Variants in UTP3 observed in about 807,000 individuals in gnomAD.
UTP3 encodes the protein UTP3 small subunit processome component.
In UTP3, 19 loss-of-function variants were observed where a neutral mutation model predicts 37.9. The observed-to-expected ratio is 0.50, with a 90% CI of 0.35 to 0.74. The LOEUF is 0.74. Among genes scored for constraint, UTP3 ranks in the 30% least tolerant of loss-of-function variants. The pLI is 0.01. For synonymous variants in UTP3, 242 were observed against 218.5 expected (o/e 1.11, Z -0.95); for missense variants, 504 against 570.7 (o/e 0.88, Z 1.19).
In UTP3 at chr4:70,689,386, T is replaced by G; in HGVS notation, c.709T>G (p.Leu237Val). The G allele has an allele frequency of 6.2e-7, 1 of 1,614,158 alleles. No homozygotes were observed. The highest frequency in any genetic ancestry group is 8.5e-7 in the Non-Finnish European group (1 of 1,180,028). ...LELIEDLKVK[L>V]TEVKDELEPL... is the part of the protein sequence containing the mutation. ...GCTGATAGAAGACCTGAAAGTCAAG[T>G]TGACAGAGGTTAAGGATGAGCTGGA... The change falls in exon 1 of 1, where the codon TTG becomes GTG. Residue 237 changes from leucine (L) to valine (V), a missense_variant. Transcript: ENST00000254803.
chr4:70,689,328 A>G lies in UTP3; in HGVS notation c.651A>G (p.Lys217=), dbSNP rs1198198384. 6.2e-7 allele frequency: 1 copy of G among 1,614,054 alleles called. No individual in the cohort carries two copies. The highest frequency in any genetic ancestry group is 8.5e-7 in the Non-Finnish European group (1 of 1,180,040). ...LAKVSVKEKL[K]MLRKESPELL... Reference sequence around the variant, plus strand: ...AAGTTTCAGTGAAAGAGAAGCTGAAAATGTTGCGAAAGGAATCACCAGAAC... The same window carrying G: ...AAGTTTCAGTGAAAGAGAAGCTGAAGATGTTGCGAAAGGAATCACCAGAAC... Residue 217 remains lysine, a synonymous_variant, in exon 1 of 1, where the codon AAA becomes AAG. Coordinates refer to ENST00000254803, the MANE Select transcript of UTP3 (RefSeq NM_020368.3).
rs1739555663 is a variant in UTP3 at position 70,688,603 on chromosome 4, G to A, written c.-75G>A. On this transcript the variant is annotated 5_prime_UTR_variant, in exon 1 of 1. Coordinates refer to ENST00000254803, the MANE Select transcript of UTP3 (RefSeq NM_020368.3). The stretch of plus-strand genomic sequence containing the variant: ...TGCTGTTTAGAGCCACGAGTTACCG[G>A]AGCGCCTGATTCCTGCGCCGAAGTC... 3 of 1,458,998 alleles carry A rather than the reference G, an allele frequency of 2.1e-6. No homozygotes were observed. The African/African-American group carries it at 4.2e-5, about 20-fold the overall frequency. 90.4% of individuals were successfully genotyped at this position (1,458,998 alleles called of 1,614,324 possible).
At position 70,689,145 on chromosome 4, in the gene UTP3, G is replaced by A; in HGVS notation, c.468G>A (p.Glu156=). The change falls in exon 1 of 1, where the codon GAG becomes GAA. Residue 156 remains glutamate, a synonymous_variant. Transcript: ENST00000254803. ...GGCAGAGTCAACAGGAGGCAGAGGA[G>A]GAGGAAAGAGAGGAGGAGGAGGAGG... ...RGRQSQQEAE[E]EEREEEEEAQ... The A allele has an allele frequency of 6.2e-7, 1 of 1,613,948 alleles. No individual in the cohort carries two copies. Among genetic ancestry groups the A allele is most frequent in the Non-Finnish European group, 8.5e-7 (1 of 1,179,954 alleles).
Position 70,689,354 on chromosome 4 carries a change from T to G in UTP3, c.677T>G (p.Leu226Arg), listed in dbSNP as rs754890602. 1 of 1,613,958 alleles carries G rather than the reference T, an allele frequency of 6.2e-7. No individual in the cohort carries two copies. Among genetic ancestry groups the G allele is most frequent in the African/African-American group, 1.3e-5 (1 of 74,888 alleles). Residue 226 changes from leucine to arginine, a missense_variant, in exon 1 of 1, where the codon CTC becomes CGC. Transcript: ENST00000254803. ...LKMLRKESPELLELIEDLKVK... is the reference protein window; with the variant it reads ...LKMLRKESPERLELIEDLKVK... Reference sequence around the variant, plus strand: ...ATGTTGCGAAAGGAATCACCAGAACTCTTGGAGCTGATAGAAGACCTGAAA... The same window carrying G: ...ATGTTGCGAAAGGAATCACCAGAACGCTTGGAGCTGATAGAAGACCTGAAA...
At position 70,688,669 on chromosome 4, in the gene UTP3, T is replaced by C. The variant is rs773014574; in HGVS notation, c.-9T>C. The C allele has an allele frequency of 2.5e-6, 4 of 1,609,550 alleles. No individual in the cohort carries two copies. The highest frequency in any genetic ancestry group is 3.4e-6 in the Non-Finnish European group (4 of 1,178,260). On this transcript the variant is annotated 5_prime_UTR_variant, in exon 1 of 1. Transcript: ENST00000254803. The stretch of plus-strand genomic sequence containing the variant: ...TCCGGAGTCGCTGTAAAACCTGAGA[T>C]TGTGAGCCATGGTGGGGAGATCCCG...
In UTP3 at chr4:70,690,292, T is replaced by C. The variant is rs1174177935; in HGVS notation, c.*175T>C. 1 of 582,710 alleles carries C rather than the reference T, an allele frequency of 1.7e-6. No individual in the cohort carries two copies. The highest frequency in any genetic ancestry group is 2.6e-6 in the Non-Finnish European group (1 of 381,588). The allele number at this position is 582,710 out of a possible 1,614,324, so 36.1% of individuals were successfully genotyped here. On this transcript the variant is annotated 3_prime_UTR_variant, in exon 1 of 1. Transcript: ENST00000254803. ...ACTATGGGAGCAATATGAAGGTGCTTGAGAAAAGAGATGATGTTGAAGTTT... is the reference window on the plus strand; with the variant it reads ...ACTATGGGAGCAATATGAAGGTGCTCGAGAAAAGAGATGATGTTGAAGTTT...
chr4:70,689,507 C>T lies in UTP3; in HGVS notation c.830C>T (p.Ser277Leu). ...TACAACCTCTACTTGAATTATTGCTCGAACATCAGTTTTTATTTGATCCTG... is the reference window on the plus strand; with the variant it reads ...TACAACCTCTACTTGAATTATTGCTTGAACATCAGTTTTTATTTGATCCTG... ...TKYNLYLNYC[S>L]NISFYLILKA... The change falls in exon 1 of 1, where the codon TCG becomes TTG. Residue 277 changes from serine to leucine, a missense_variant. Ser to Leu is a moderately radical substitution (Grantham distance 145). Transcript: ENST00000254803. The T allele has an allele frequency of 6.2e-7, 1 of 1,614,116 alleles. No homozygotes were observed.
Position 70,689,486 on chromosome 4 carries a change from AC to A in UTP3, c.811del (p.Leu271SerfsTer3). 1 of 1,614,160 alleles carries A rather than the reference AC, an allele frequency of 6.2e-7. No homozygotes were observed. The highest frequency in any genetic ancestry group is 8.5e-7 in the Non-Finnish European group (1 of 1,180,020). ...KGSQYLRTKYNLYLNYCSNIS... is the reference protein window; with the variant it reads ...KGSQYLRTKYXLYLNYCSNIS... ...AGCCAATACTTGAGGACCAAGTACA[AC>A]CTCTACTTGAATTATTGCTCGAACA... On this transcript the variant is annotated frameshift_variant, in exon 1 of 1. Transcript: ENST00000254803. LOFTEE classifies it high-confidence loss of function.
rs753365655 is a variant in UTP3, at chr4:70,689,154, AGAG to A, written c.491_493del (p.Glu164del). 272 of 1,612,042 alleles carry A rather than the reference AGAG, an allele frequency of 1.7e-4. No homozygotes were observed. In the African/African-American group the frequency reaches 3.1e-3, roughly 18 times the overall value. ...AACAGGAGGCAGAGGAGGAGGAAAG[AGAG>A]GAGGAGGAGGAGGCACAGATCATTC... On this transcript the variant is annotated inframe_deletion, in exon 1 of 1. Coordinates refer to ENST00000254803, the MANE Select transcript of UTP3 (RefSeq NM_020368.3).
Position 70,689,761 on chromosome 4 carries a change from A to C in UTP3, c.1084A>C (p.Thr362Pro). 1 of 1,614,014 alleles carries C rather than the reference A, an allele frequency of 6.2e-7. No individual in the cohort carries two copies. Among genetic ancestry groups the C allele is most frequent in the Non-Finnish European group, 8.5e-7 (1 of 1,179,996 alleles). Reference sequence around the variant, plus strand: ...GACTTCTGCTGCTGCCTGTGCTGTTACAGATCTTTCTGATGATTCTGATTT... The same window carrying C: ...GACTTCTGCTGCTGCCTGTGCTGTTCCAGATCTTTCTGATGATTCTGATTT... Reference protein sequence around the residue: ...SKTSAAACAVTDLSDDSDFDE... With the variant: ...SKTSAAACAVPDLSDDSDFDE... The change falls in exon 1 of 1, where the codon ACA (threonine) becomes CCA (proline). Residue 362 changes from threonine (T) to proline (P), a missense_variant. Physicochemically the swap from Thr to Pro is conservative, Grantham distance 38. Coordinates refer to ENST00000254803, the MANE Select transcript of UTP3 (RefSeq NM_020368.3).
In UTP3 at chr4:70,690,095, A is replaced by C; in HGVS notation, c.1418A>C (p.Lys473Thr). 1 of 1,602,290 alleles carries C rather than the reference A, an allele frequency of 6.2e-7. No individual in the cohort carries two copies. The highest frequency in any genetic ancestry group is 8.5e-7 in the Non-Finnish European group (1 of 1,176,214). Reference sequence around the variant, plus strand: ...TTATCTGGCATTCGTGCAGGAGTTAAAAAGAGCATTAAGCTTAAATGAAGT... The same window carrying C: ...TTATCTGGCATTCGTGCAGGAGTTACAAAGAGCATTAAGCTTAAATGAAGT... ...GELSGIRAGV[K>T]KSIKLK Residue 473 changes from lysine to threonine, a missense_variant, in exon 1 of 1, where the codon AAA becomes ACA. Coordinates refer to ENST00000254803, the MANE Select transcript of UTP3 (RefSeq NM_020368.3).
In UTP3 at chr4:70,689,763, A is replaced by G; in HGVS notation, c.1086A>G (p.Thr362=). The G allele has an allele frequency of 6.2e-7, 1 of 1,613,912 alleles. No homozygotes were observed. The highest frequency in any genetic ancestry group is 8.5e-7 in the Non-Finnish European group (1 of 1,179,958). Reference sequence around the variant, plus strand: ...CTTCTGCTGCTGCCTGTGCTGTTACAGATCTTTCTGATGATTCTGATTTTG... The same window carrying G: ...CTTCTGCTGCTGCCTGTGCTGTTACGGATCTTTCTGATGATTCTGATTTTG... ...SKTSAAACAV[T]DLSDDSDFDE... The change falls in exon 1 of 1, where the codon ACA becomes ACG. Residue 362 remains threonine, a synonymous_variant. Coordinates refer to ENST00000254803, the MANE Select transcript of UTP3 (RefSeq NM_020368.3).
chr4:70,690,153 G>A lies in UTP3; in HGVS notation c.*36G>A. ...TAGCATAAGGTTTTTGGCAGTTTTGGATCAATAAATTTTTACTTTTAACTA... is the reference window on the plus strand; with the variant it reads ...TAGCATAAGGTTTTTGGCAGTTTTGAATCAATAAATTTTTACTTTTAACTA... On this transcript the variant is annotated 3_prime_UTR_variant, in exon 1 of 1. Coordinates refer to ENST00000254803, the MANE Select transcript of UTP3 (RefSeq NM_020368.3). The A allele has an allele frequency of 6.6e-7, 1 of 1,521,566 alleles. No homozygotes were observed. The highest frequency in any genetic ancestry group is 8.8e-7 in the Non-Finnish European group (1 of 1,139,318). 94.3% of individuals were successfully genotyped at this position (1,521,566 alleles called of 1,614,324 possible).
In UTP3 at chr4:70,689,347, C is replaced by G. The variant is rs1043773479; in HGVS notation, c.670C>G (p.Pro224Ala). Reference sequence around the variant, plus strand: ...GCTGAAAATGTTGCGAAAGGAATCACCAGAACTCTTGGAGCTGATAGAAGA... The same window carrying G: ...GCTGAAAATGTTGCGAAAGGAATCAGCAGAACTCTTGGAGCTGATAGAAGA... ...EKLKMLRKES[P>A]ELLELIEDLK... Residue 224 changes from proline to alanine, a missense_variant, in exon 1 of 1, where the codon CCA becomes GCA. Physicochemically the swap from Pro to Ala is conservative, Grantham distance 27. Coordinates refer to ENST00000254803, the MANE Select transcript of UTP3 (RefSeq NM_020368.3). 1.2e-6 allele frequency: 2 copies of G among 1,613,944 alleles called. No individual in the cohort carries two copies. The highest frequency in any genetic ancestry group is 1.7e-6 in the Non-Finnish European group (2 of 1,180,036).
In UTP3 at chr4:70,690,340, C is replaced by CGA. The variant is rs1739594982; in HGVS notation, c.*223_*224insGA. The CGA allele has an allele frequency of 1.6e-5, 6 of 371,450 alleles. No homozygotes were observed. Among genetic ancestry groups the CGA allele is most frequent in the African/African-American group, 9.0e-5 (4 of 44,288 alleles). 23.0% of individuals were successfully genotyped at this position (371,450 alleles called of 1,614,324 possible). On this transcript the variant is annotated 3_prime_UTR_variant, in exon 1 of 1. Transcript: ENST00000254803. ...TTTTCCAATATTCTGTTGAAGTTTT[C>CGA]CAATATTAAGTATTAGCTTAGGGAA...
chr4:70,690,089 G>A lies in UTP3; in HGVS notation c.1412G>A (p.Gly471Glu). The change falls in exon 1 of 1, where the codon GGA becomes GAA. Residue 471 changes from glycine to glutamate, a missense_variant. By Grantham distance (98) the Gly-to-Glu change is moderately conservative. Transcript: ENST00000254803. ...GGTGAATTATCTGGCATTCGTGCAGGAGTTAAAAAGAGCATTAAGCTTAAA... is the reference window on the plus strand; with the variant it reads ...GGTGAATTATCTGGCATTCGTGCAGAAGTTAAAAAGAGCATTAAGCTTAAA... Reference protein sequence around the residue: ...YSGELSGIRAGVKKSIKLK With the variant: ...YSGELSGIRAEVKKSIKLK The A allele has an allele frequency of 6.2e-7, 1 of 1,603,512 alleles. No individual in the cohort carries two copies. The highest frequency in any genetic ancestry group is 8.5e-7 in the Non-Finnish European group (1 of 1,176,724).
chr4:70,689,931 T>C lies in UTP3; in HGVS notation c.1254T>C (p.Asn418=), dbSNP rs1739584989. The C allele has an allele frequency of 6.2e-7, 1 of 1,613,834 alleles. No homozygotes were observed. Among genetic ancestry groups the C allele is most frequent in the Non-Finnish European group, 8.5e-7 (1 of 1,179,990 alleles). ...KRAITYQIAK[N]RGLTPRRKKI... ...CTATTACCTATCAAATTGCTAAAAA[T>C]AGGGGACTTACTCCTAGGAGAAAGA... The change falls in exon 1 of 1, where the codon AAT becomes AAC. Residue 418 remains asparagine (N), a synonymous_variant. Transcript: ENST00000254803.
rs201070267 is a variant in UTP3 at position 70,689,292 on chromosome 4, G to A, written c.615G>A (p.Lys205=). The part of the protein sequence containing the change: ...QVDEAETRVV[K]DLAKVSVKEK... ...ATGAGGCTGAGACACGGGTCGTGAA[G>A]GATTTGGCTAAAGTTTCAGTGAAAG... is the stretch of plus-strand genomic sequence containing the variant. The change falls in exon 1 of 1, where the codon AAG becomes AAA. Residue 205 remains lysine, a synonymous_variant. Transcript: ENST00000254803. 3.1e-6 allele frequency: 5 copies of A among 1,614,178 alleles called. No homozygotes were observed. Among genetic ancestry groups the A allele is most frequent in the Non-Finnish European group, 4.2e-6 (5 of 1,180,030 alleles).
chr4:70,688,718 C>CCCACTT lies in UTP3; in HGVS notation c.41_42insCCACTT (p.Ala14_Ala15insHisLeu). The CCCACTT allele has an allele frequency of 6.2e-7, 1 of 1,613,926 alleles. No homozygotes were observed. Among genetic ancestry groups the CCCACTT allele is most frequent in the Non-Finnish European group, 8.5e-7 (1 of 1,179,988 alleles). ...CGGCGGCGCGGAGCAGCTAAGTGGG[C>CCCACTT]AGCTGTGCGAGCCAAGGCAGGTCCC... On this transcript the variant is annotated inframe_insertion, in exon 1 of 1. Transcript: ENST00000254803.
Sources: allele counts gnomAD v4.1 joint callset, GRCh38; gene constraint gnomAD v4.1.1; transcripts MANE v1.5; gene names NCBI Gene and HGNC (gene_info 2026-07-23, HGNC 2026-07-21).